GALNT7: variants seen among roughly 807,000 people sequenced by gnomAD.
The protein encoded by GALNT7 is N-acetylgalactosaminyltransferase 7.
A neutral mutation model predicts 82.1 loss-of-function variants in GALNT7; 60 were observed. The ratio of observed to expected loss-of-function variants is 0.73; its 90% CI spans 0.59 to 0.91. The LOEUF (loss-of-function observed/expected upper bound fraction) is 0.91. Ranked by LOEUF, GALNT7 falls within the 40% of genes least tolerant of loss-of-function variation. GALNT7 has a pLI of 0.00. For missense variants in GALNT7, 660 were observed against 804.2 expected, an observed-to-expected ratio of 0.82 and a Z score of 2.17; for synonymous variants, 243 against 275.1, an observed-to-expected ratio of 0.88 and a Z score of 1.15.
chr4:173,317,613 C>T (rs779510407), intron 9 of GALNT7, 21 bp from the exon 10 acceptor site: 7 of 1,449,438 alleles, frequency 4.8e-6, no homozygotes, highest in East Asian at 2.3e-5. Context: ...CTGCTTTTTG[C>T]GTCTTTATTC....
intron 1 of GALNT7, among the ~76,000 whole-genome samples, chr4:173,203,555 T>C (rs1245902937): frequency 6.6e-6 from 1 of 152,252 alleles, no homozygotes; most frequent in South Asian, 2.1e-4. Context: ...TCTCTCTTGC[T>C]ATCTTTTTTA....
chr4:173,260,163 GTCC>G (rs1735205989), intron 2 of GALNT7, among the ~76,000 whole-genome samples: 1 of 152,174 alleles, frequency 6.6e-6, no homozygotes, highest in South Asian at 2.1e-4. Flanking sequence ...AATACTATGA[GTCC>G]TTGCTCAGTG....
intron 2 of GALNT7, among the ~76,000 whole-genome samples, chr4:173,282,245 G>A (rs1467189441): frequency 1.3e-5 from 2 of 152,126 alleles, no homozygotes; most frequent in South Asian, 4.1e-4. Flanking sequence ...TTTGTTTTAG[G>A]TAAGCCCCCG....
At chr4:173,243,794 T>C (rs143539170) in intron 1 of GALNT7, among the ~76,000 whole-genome samples, 22 of 152,118 alleles carry the variant, frequency 1.4e-4, no homozygotes, top group African/African-American at 5.1e-4. Context: ...TATAGAGTTA[T>C]GTTCTTGGTG....
chr4:173,201,140 AC>A (rs1445165068), intron 1 of GALNT7, among the ~76,000 whole-genome samples: 2 of 152,146 alleles, frequency 1.3e-5, no homozygotes, highest in Non-Finnish European at 2.9e-5. Flanking sequence ...TTTTGAACCT[AC>A]TTTTAACAGT....
At chr4:173,231,064 A>T (rs1020308766) in intron 1 of GALNT7, among the ~76,000 whole-genome samples, 5 of 152,260 alleles carry the variant, frequency 3.3e-5, no homozygotes, top group Admixed American at 1.3e-4. Flanking sequence ...CAGTTGGAAC[A>T]GTCTGCTTAA....
At chr4:173,170,109 C>T (rs750051267) in intron 1 of GALNT7, among the ~76,000 whole-genome samples, 2 of 152,132 alleles carry the variant, frequency 1.3e-5, no homozygotes, top group Non-Finnish European at 2.9e-5. Flanking sequence ...GCGCACCGGC[C>T]TCGCCCCCGA....
chr4:173,257,047 C>A (rs1735062561), intron 2 of GALNT7, among the ~76,000 whole-genome samples: 1 of 152,238 alleles, frequency 6.6e-6, no homozygotes, highest in African/African-American at 2.4e-5. Flanking sequence ...TGACTTCACT[C>A]TTTACATTTA....
intron 1 of GALNT7, among the ~76,000 whole-genome samples, chr4:173,200,450 T>TA (rs796491883): frequency 0.01 from 1,497 of 145,522 alleles, 19 homozygotes; most frequent in African/African-American, 0.034. Flanking sequence ...ATTCTACTCT[T>TA]AAAAAAAAAA....
At chr4:173,234,071 A>C (rs552721931) in intron 1 of GALNT7, among the ~76,000 whole-genome samples, 2 of 152,304 alleles carry the variant, frequency 1.3e-5, no homozygotes, top group East Asian at 3.9e-4. Context: ...CACGTTACCA[A>C]ATGCAATCCT....
intron 2 of GALNT7, among the ~76,000 whole-genome samples, chr4:173,249,254 T>G (rs541127390): frequency 6.6e-6 from 1 of 152,326 alleles, no homozygotes; most frequent in Admixed American, 6.5e-5. Flanking sequence ...TAGCATAATC[T>G]TCATTTTTAA....
chr4:173,250,619 A>C (rs557064876), intron 2 of GALNT7, among the ~76,000 whole-genome samples: 1 of 151,782 alleles, frequency 6.6e-6, no homozygotes, highest in Non-Finnish European at 1.5e-5. Flanking sequence ...TTCCATTTCT[A>C]CTCTTGCCTC....
chr4:173,203,048 CTA>C (rs1267836171), intron 1 of GALNT7, among the ~76,000 whole-genome samples: 2 of 148,940 alleles, frequency 1.3e-5, no homozygotes, highest in Non-Finnish European at 3.0e-5. Flanking sequence ...TACTTTCCGT[CTA>C]TGTGTCCTTA....
At chr4:173,252,940 C>G (rs1734897352) in intron 2 of GALNT7, among the ~76,000 whole-genome samples, 1 of 152,094 alleles carries the variant, frequency 6.6e-6, no homozygotes, top group South Asian at 2.1e-4. Context: ...TGGCTCATGC[C>G]TGTAATCCCA....
At chr4:173,223,156 G>A (rs1199204894) in intron 1 of GALNT7, among the ~76,000 whole-genome samples, 1 of 152,142 alleles carries the variant, frequency 6.6e-6, no homozygotes, top group Non-Finnish European at 1.5e-5. Flanking sequence ...ATAAGTGAGT[G>A]CAAGAATTAT....
At chr4:173,255,600 A>G (rs1735008539) in intron 2 of GALNT7, among the ~76,000 whole-genome samples, 1 of 152,010 alleles carries the variant, frequency 6.6e-6, no homozygotes, top group South Asian at 2.1e-4. Flanking sequence ...TTTCAGGAAA[A>G]CCTTGACTCT....
intron 8 of GALNT7, among the ~76,000 whole-genome samples, chr4:173,304,720 C>G (rs1737081624): frequency 6.6e-6 from 1 of 152,040 alleles, no homozygotes; most frequent in Non-Finnish European, 1.5e-5. Context: ...CTTCTGGTAA[C>G]CACCATTTTA....
intron 2 of GALNT7, among the ~76,000 whole-genome samples, chr4:173,249,585 G>A (rs1734780142): frequency 6.6e-6 from 1 of 152,196 alleles, no homozygotes; most frequent in East Asian, 1.9e-4. Context: ...TTTATTCCCA[G>A]TAGAGACTTG....
intron 1 of GALNT7, among the ~76,000 whole-genome samples, chr4:173,177,855 C>T (rs1561141933): frequency 6.6e-6 from 1 of 151,924 alleles, no homozygotes; most frequent in South Asian, 2.1e-4. Context: ...AAGTTCAGGT[C>T]GTGAAGAGTC....
Sources: gnomAD v4.1 joint callset for allele counts (sites outside exome capture counted in the v4.1 genomes callset) on GRCh38, gnomAD v4.1.1 for gene constraint, MANE v1.5 for transcripts, NCBI Gene and HGNC (gene_info 2026-07-23, HGNC 2026-07-21) for gene names.